Variants in BCL2 observed in about 807,000 individuals in gnomAD.
The protein encoded by BCL2 is apoptosis regulator Bcl-2.
BCL2 carries 1 observed loss-of-function variant against 14.2 expected under a neutral mutation model. The observed-to-expected ratio is 0.07, with a 90% CI of 0.02 to 0.33. BCL2 has a LOEUF of 0.33. Ranked by LOEUF, BCL2 falls within the 10% of genes least tolerant of loss-of-function variation. The pLI is 0.99. For synonymous variants in BCL2, 151 were observed against 137.2 expected, an observed-to-expected ratio of 1.10 and a Z score of -0.70; for missense variants, 247 against 305.9, an observed-to-expected ratio of 0.81 and a Z score of 1.44.
At chr18:63,196,333 A>G (rs973833515) in intron 2 of BCL2, among the ~76,000 whole-genome samples, 3 of 152,222 alleles carry the variant, frequency 2.0e-5, no homozygotes, top group African/African-American at 7.2e-5. Context: ...TAAAAGGTTC[A>G]TTTATGGAAA....
chr18:63,182,565 G>T (rs1915503723), intron 2 of BCL2, among the ~76,000 whole-genome samples: 1 of 152,184 alleles, frequency 6.6e-6, no homozygotes, highest in Non-Finnish European at 1.5e-5. Flanking sequence ...CACAGGGTGG[G>T]TGACAGGAAG....
chr18:63,161,687 C>A (rs1027624961), intron 2 of BCL2, among the ~76,000 whole-genome samples: 1 of 152,156 alleles, frequency 6.6e-6, no homozygotes, highest in African/African-American at 2.4e-5. Context: ...CTAAATACCC[C>A]CAAGTCCCAG....
At chr18:63,304,725 T>C (rs1467732120) in intron 2 of BCL2, among the ~76,000 whole-genome samples, 1 of 152,180 alleles carries the variant, frequency 6.6e-6, no homozygotes, top group East Asian at 1.9e-4. Context: ...TTATTTTTCC[T>C]GATGGTCCAA....
chr18:63,206,339 C>A (rs138390283), intron 2 of BCL2, among the ~76,000 whole-genome samples: 62 of 152,356 alleles, frequency 4.1e-4, no homozygotes, highest in African/African-American at 1.4e-3. Context: ...AGAGTGGAAG[C>A]AAAGGAAGTG....
At chr18:63,312,992 A>G (rs1002814412) in intron 2 of BCL2, among the ~76,000 whole-genome samples, 7 of 152,210 alleles carry the variant, frequency 4.6e-5, no homozygotes, top group African/African-American at 1.7e-4. Context: ...AAGTATCTAC[A>G]TTTTGGCCCT....
chr18:63,220,077 C>T (rs1224075359), intron 2 of BCL2, among the ~76,000 whole-genome samples: 2 of 152,082 alleles, frequency 1.3e-5, no homozygotes, highest in South Asian at 2.1e-4. Flanking sequence ...AGTTATAATG[C>T]GCATTTGGAG....
chr18:63,199,193 G>T (rs983722582), intron 2 of BCL2, among the ~76,000 whole-genome samples: 1 of 135,360 alleles, frequency 7.4e-6, no homozygotes, highest in African/African-American at 2.8e-5. Context: ...ACACAGACAC[G>T]CACAACACAC....
intron 2 of BCL2, among the ~76,000 whole-genome samples, chr18:63,179,747 C>T (rs927607322): frequency 1.3e-5 from 2 of 152,174 alleles, no homozygotes; most frequent in African/African-American, 4.8e-5. Context: ...CGATCAAGCC[C>T]TCTCATCCTC....
chr18:63,277,249 G>A (rs934768244), intron 2 of BCL2, among the ~76,000 whole-genome samples: 2 of 151,918 alleles, frequency 1.3e-5, no homozygotes, highest in Non-Finnish European at 2.9e-5. Context: ...ATAATTTCTC[G>A]ACTGTCTCTA....
rs185752274 is a variant in BCL2, at chr18:63,195,126, T to C, written c.586-66367A>G. The stretch of plus-strand genomic sequence containing the variant: ...ACCCCAGAACACCAAGAAAACATCA[T>C]AGTGGGGATGGAAACCTCCCTTGCT... On this transcript the variant is annotated intron_variant, in intron 2 of 2. Coordinates refer to ENST00000333681, the MANE Select transcript of BCL2 (RefSeq NM_000633.3). 2.0e-3 allele frequency among the ~76,000 whole-genome samples: 309 copies of C among 152,256 alleles called. 1 individual carries two copies. The highest frequency in any genetic ancestry group is 7.1e-3 in the African/African-American group (294 of 41,532).
chr18:63,286,035 G>C (rs951799454), intron 2 of BCL2, among the ~76,000 whole-genome samples: 1 of 152,190 alleles, frequency 6.6e-6, no homozygotes, highest in African/African-American at 2.4e-5. Context: ...ACTATGTCCT[G>C]CTCTTATACA....
intron 2 of BCL2, among the ~76,000 whole-genome samples, chr18:63,147,425 AATGTGCC>A (rs1270815284): frequency 6.6e-6 from 1 of 152,230 alleles, no homozygotes; most frequent in East Asian, 1.9e-4. Context: ...TCAAAGTCGC[AATGTGCC>A]ATCACATTTA....
intron 1 of BCL2, 54 bp downstream of exon 1, chr18:63,319,120 C>A: frequency 2.0e-6 from 2 of 979,344 alleles, no homozygotes; most frequent in Non-Finnish European, 2.5e-6. Context: ...TAAAAAATCT[C>A]AAAGGTTTCC....
intron 2 of BCL2, among the ~76,000 whole-genome samples, chr18:63,269,365 A>ACCC (rs1474225923): frequency 3.3e-5 from 5 of 152,156 alleles, no homozygotes; most frequent in African/African-American, 1.2e-4. Context: ...GAGATTCATG[A>ACCC]GACTTTTGTG....
intron 2 of BCL2, among the ~76,000 whole-genome samples, chr18:63,218,141 A>G (rs1910258719): frequency 1.3e-5 from 2 of 152,168 alleles, no homozygotes; most frequent in Non-Finnish European, 2.9e-5. Context: ...TTCTACTCCC[A>G]TAATTCTCAG....
chr18:63,220,775 A>G (rs770123863), intron 2 of BCL2, among the ~76,000 whole-genome samples: 8 of 152,096 alleles, frequency 5.3e-5, no homozygotes, highest in Non-Finnish European at 7.3e-5. Context: ...GACTTCAGGG[A>G]AGGTTTCCGG....
chr18:63,207,885 G>C (rs747176609), intron 2 of BCL2: 32 of 152,224 alleles, frequency 2.1e-4, no homozygotes, highest in Non-Finnish European at 5.9e-5. Flanking sequence ...TTTGGAAGAA[G>C]GAGAAACTGG....
chr18:63,140,219 C>T (rs1360579908), intron 2 of BCL2, among the ~76,000 whole-genome samples: 2 of 152,206 alleles, frequency 1.3e-5, no homozygotes, highest in Non-Finnish European at 2.9e-5. Context: ...CTGGTGCAGC[C>T]ATTGTGGGAA....
chr18:63,271,870 C>A (rs1599282413), intron 2 of BCL2, among the ~76,000 whole-genome samples: 1 of 152,162 alleles, frequency 6.6e-6, no homozygotes, highest in Admixed American at 6.5e-5. Context: ...TGACAGGAGG[C>A]AGAGAAGGGG....
Sources: gnomAD v4.1 joint callset for allele counts (sites outside exome capture counted in the v4.1 genomes callset) on GRCh38, gnomAD v4.1.1 for gene constraint, MANE v1.5 for transcripts, NCBI Gene and HGNC (gene_info 2026-07-23, HGNC 2026-07-21) for gene names.